FHOD3: variants seen among roughly 807,000 people sequenced by gnomAD.
FHOD3 encodes the protein FH1/FH2 domain-containing protein 3.
In FHOD3, 90 loss-of-function variants were observed where a neutral mutation model predicts 173.0. The ratio of observed to expected loss-of-function variants is 0.52; its 90% CI spans 0.44 to 0.62. The LOEUF (loss-of-function observed/expected upper bound fraction) is 0.62. Among genes scored for constraint, FHOD3 ranks in the 20% least tolerant of loss-of-function variants. FHOD3 has a pLI of 0.00. For missense variants in FHOD3, 1,945 were observed against 2,034.7 expected (o/e 0.96, Z 0.85); for synonymous variants, 828 against 823.0 (o/e 1.01, Z -0.10).
At chr18:36,442,221 C>T (rs568147820) in intron 3 of FHOD3, among the ~76,000 whole-genome samples, 1 of 152,282 alleles carries the variant, frequency 6.6e-6, no homozygotes, top group South Asian at 2.1e-4. Context: ...GTGGCTCAAA[C>T]TTCCTTTAAG....
chr18:36,452,954 G>A (rs2051953509), intron 3 of FHOD3, among the ~76,000 whole-genome samples: 2 of 151,450 alleles, frequency 1.3e-5, no homozygotes, highest in African/African-American at 2.4e-5. Flanking sequence ...TTGACATCTC[G>A]GCTATTGTAA....
intron 1 of FHOD3, among the ~76,000 whole-genome samples, chr18:36,320,183 A>G (rs923541650): frequency 2.6e-5 from 4 of 152,320 alleles, no homozygotes; most frequent in Non-Finnish European, 4.4e-5. Flanking sequence ...AAAAAAATCA[A>G]TGAATCCAGG....
At chr18:36,594,715 C>A in intron 6 of FHOD3, 72 bp from the exon 7 acceptor site, 1 of 1,040,570 alleles carries the variant, frequency 9.6e-7, no homozygotes, top group Non-Finnish European at 1.5e-6. Context: ...GTGCCCGCTG[C>A]GGTTAGGAAG....
chr18:36,724,075 A>T lies in FHOD3; in HGVS notation c.3417+5360A>T, dbSNP rs538399979. Reference sequence around the variant, plus strand: ...CAATAACCATTCCAAATCAAGTTTGAGTCTTTACTTGCAGATTCTTAAATA... The same window carrying T: ...CAATAACCATTCCAAATCAAGTTTGTGTCTTTACTTGCAGATTCTTAAATA... On this transcript the variant is annotated intron_variant, in intron 19 of 28. Coordinates refer to ENST00000590592, the MANE Select transcript of FHOD3 (RefSeq NM_001281740.3). 3.9e-5 allele frequency among the ~76,000 whole-genome samples: 6 copies of T among 152,312 alleles called. No homozygotes were observed. In the South Asian group the frequency reaches 1.0e-3, roughly 26 times the overall value.
intron 7 of FHOD3, among the ~76,000 whole-genome samples, chr18:36,595,918 A>G (rs2030277926): frequency 6.6e-6 from 1 of 152,202 alleles, no homozygotes; most frequent in Non-Finnish European, 1.5e-5. Context: ...TATAACTGTA[A>G]TACTACTGTT....
chr18:36,511,603 C>G (rs915257057), intron 4 of FHOD3, among the ~76,000 whole-genome samples: 1 of 152,026 alleles, frequency 6.6e-6, no homozygotes, highest in African/African-American at 2.4e-5. Flanking sequence ...GGGTGAGAAC[C>G]GTCTGAGCTC....
chr18:36,304,681 A>G (rs1178947117), intron 1 of FHOD3, among the ~76,000 whole-genome samples: 1 of 152,192 alleles, frequency 6.6e-6, no homozygotes, highest in African/African-American at 2.4e-5. Flanking sequence ...TTCTAGGCTC[A>G]ATCAATTCCC....
chr18:36,563,060 T>G (rs2058145310), intron 5 of FHOD3, among the ~76,000 whole-genome samples: 1 of 152,194 alleles, frequency 6.6e-6, no homozygotes. Flanking sequence ...AGGTACGTGC[T>G]TCTAGACACA....
At chr18:36,761,879 G>A (rs190618934) in intron 27 of FHOD3, among the ~76,000 whole-genome samples, 7 of 152,272 alleles carry the variant, frequency 4.6e-5, no homozygotes, top group Admixed American at 3.3e-4. Flanking sequence ...GGGGGTGCTA[G>A]TAGTAATTAT....
intron 3 of FHOD3, among the ~76,000 whole-genome samples, chr18:36,497,232 A>T (rs1368185825): frequency 6.6e-6 from 1 of 152,216 alleles, no homozygotes; most frequent in Non-Finnish European, 1.5e-5. Context: ...TAGAAATTGT[A>T]GTTTATTTTA....
chr18:36,455,514 T>C (rs2052138590), intron 3 of FHOD3, among the ~76,000 whole-genome samples: 1 of 152,118 alleles, frequency 6.6e-6, no homozygotes. Flanking sequence ...TAGCACAATT[T>C]TATTAGGAGA....
intron 17 of FHOD3, among the ~76,000 whole-genome samples, chr18:36,702,320 T>C (rs901129517): frequency 2.6e-5 from 4 of 152,162 alleles, no homozygotes; most frequent in South Asian, 4.1e-4. Flanking sequence ...CAACCTAGAA[T>C]ACCCAGGTAC....
At chr18:36,509,536 A>G (rs1165268838) in intron 4 of FHOD3, among the ~76,000 whole-genome samples, 1 of 152,130 alleles carries the variant, frequency 6.6e-6, no homozygotes, top group Non-Finnish European at 1.5e-5. Context: ...TTGTGAGTGC[A>G]TATTTTTAAG....
chr18:36,457,417 A>G (rs1259941272), intron 3 of FHOD3, among the ~76,000 whole-genome samples: 1 of 152,156 alleles, frequency 6.6e-6, no homozygotes, highest in African/African-American at 2.4e-5. Flanking sequence ...GAATGCCTTC[A>G]GATATGGTAC....
intron 5 of FHOD3, among the ~76,000 whole-genome samples, chr18:36,568,062 G>A (rs549426240): frequency 2.0e-5 from 3 of 151,508 alleles, no homozygotes; most frequent in South Asian, 2.1e-4. Context: ...GGTGGCTCAA[G>A]CCTGTAATCC....
chr18:36,512,693 T>C (rs199609256), intron 5 of FHOD3, 150 bp downstream of exon 5: 62 of 617,882 alleles, frequency 1.0e-4, no homozygotes, highest in Non-Finnish European at 1.4e-4. Context: ...ACATCTGCCA[T>C]AGGTAAAACA....
At chr18:36,708,918 C>T (rs1290185651) in intron 17 of FHOD3, among the ~76,000 whole-genome samples, 177 bp from the exon 18 acceptor site, 1 of 152,180 alleles carries the variant, frequency 6.6e-6, no homozygotes, top group East Asian at 1.9e-4. Context: ...GTCATCTGCA[C>T]AATCCCTTCA....
Position 36,780,042 on chromosome 18 carries a change from T to C in FHOD3, c.*512T>C. 1.2e-6 allele frequency: 1 copy of C among 815,094 alleles called. No individual in the cohort carries two copies. The highest frequency in any genetic ancestry group is 1.6e-6 in the Non-Finnish European group (1 of 607,030). 50.5% of individuals were successfully genotyped at this position (815,094 alleles called of 1,614,324 possible). On this transcript the variant is annotated 3_prime_UTR_variant, in exon 29 of 29. Transcript: ENST00000590592. ...CACCATGTTTCAAATACTAAATAAA[T>C]AGAGTTTAATGCCATAATGAGAAAC...
At chr18:36,710,195 T>A (rs1335909320) in intron 18 of FHOD3, 1 of 152,192 alleles carries the variant, frequency 6.6e-6, no homozygotes, top group Non-Finnish European at 1.5e-5. Context: ...CGTGAATAAT[T>A]CATATGATCT....
Sources: gnomAD v4.1 joint callset for allele counts (sites outside exome capture counted in the v4.1 genomes callset) on GRCh38, gnomAD v4.1.1 for gene constraint, MANE v1.5 for transcripts, NCBI Gene and HGNC (gene_info 2026-07-23, HGNC 2026-07-21) for gene names.